URB1: variants seen among roughly 807,000 people sequenced by gnomAD.
URB1 encodes nucleolar pre-ribosomal-associated protein 1.
A neutral mutation model predicts 242.3 loss-of-function variants in URB1; 197 were observed. That is an observed-to-expected ratio of 0.81 (90% CI 0.72 to 0.91). The LOEUF is 0.91. Ranked by LOEUF, URB1 falls within the 40% of genes least tolerant of loss-of-function variation. URB1 has a pLI of 0.00. For missense variants in URB1, 2,721 were observed against 2,860.5 expected (o/e 0.95, Z 1.11); for synonymous variants, 1,153 against 1,201.8 (o/e 0.96, Z 0.84).
rs555439529 is a variant in URB1 at position 32,325,394 on chromosome 21, A to G, written c.4961-5T>C. The G allele has an allele frequency of 2.6e-6, 4 of 1,547,092 alleles. No homozygotes were observed. Among genetic ancestry groups the G allele is most frequent in the Non-Finnish European group, 2.6e-6 (3 of 1,143,120 alleles). ...TTCGACAATCCACCACAAACTCTGC[A>G]GGAAATGAAATACAGCATGAAACAC... On this transcript the variant is annotated splice_polypyrimidine_tract_variant and splice_region_variant and intron_variant, in intron 30 of 38. Transcript: ENST00000382751.
rs768691472 is a variant in URB1, at chr21:32,347,061, C to T, written c.3763G>A (p.Ala1255Thr). 1.9e-6 allele frequency: 3 copies of T among 1,550,428 alleles called. No homozygotes were observed. In the South Asian group the frequency reaches 3.6e-5, roughly 18 times the overall value. ...CCCTGGAGGCCGAGCCCTGGGCCAG[C>T]CTGCAGGCACCACTGCTCGAACCAC... ...LLWFEQWCLQ[A>T]GPGLGLQGDL... Residue 1255 changes from alanine (A) to threonine (T), a missense_variant, in exon 22 of 39, where the codon GCT becomes ACT. Ala to Thr is a moderately conservative substitution (Grantham distance 58). Coordinates refer to ENST00000382751, the MANE Select transcript of URB1 (RefSeq NM_014825.3).
At chr21:32,385,829 T>TAA in intron 1 of URB1, 145 bp from the exon 2 acceptor site, 2 of 1,185,408 alleles carry the variant, frequency 1.7e-6, no homozygotes, top group South Asian at 3.7e-5. Context: ...GCTATCAACT[T>TAA]AACTGTTTCT....
intron 2 of URB1, among the ~76,000 whole-genome samples, chr21:32,385,281 G>A (rs1044220694): frequency 2.0e-5 from 3 of 152,124 alleles, no homozygotes; most frequent in Admixed American, 6.6e-5. Flanking sequence ...AAACCATACC[G>A]AAACCAAGTA....
chr21:32,316,784 G>A lies in URB1; in HGVS notation c.6316C>T (p.Arg2106Trp), dbSNP rs763847056. Residue 2106 changes from arginine (R) to tryptophan (W), a missense_variant, in exon 38 of 39, where the codon CGG becomes TGG. Coordinates refer to ENST00000382751, the MANE Select transcript of URB1 (RefSeq NM_014825.3). ...AASLAVSWVL[R>W]SVAEHPLSRA... ...CTGAGCGGGTGCTCGGCCACCGACCGCAGCACCCAACTGACTGCCAGGGAA... is the reference window on the plus strand; with the variant it reads ...CTGAGCGGGTGCTCGGCCACCGACCACAGCACCCAACTGACTGCCAGGGAA... 4.5e-5 allele frequency: 69 copies of A among 1,549,110 alleles called. No individual in the cohort carries two copies. Among genetic ancestry groups the A allele is most frequent in the Non-Finnish European group, 5.6e-5 (64 of 1,145,538 alleles).
intron 15 of URB1, among the ~76,000 whole-genome samples, chr21:32,357,272 A>T (rs949816326): frequency 6.6e-6 from 1 of 151,988 alleles, no homozygotes; most frequent in African/African-American, 2.4e-5. Context: ...CAAGAAGCCA[A>T]AATTTAGTAT....
At chr21:32,357,896 G>A (rs1484816983) in intron 14 of URB1, among the ~76,000 whole-genome samples, 1 of 152,122 alleles carries the variant, frequency 6.6e-6, no homozygotes, top group African/African-American at 2.4e-5. Flanking sequence ...AGTCATAGTG[G>A]TGCATGCCTA....
intron 35 of URB1, among the ~76,000 whole-genome samples, chr21:32,319,951 C>T (rs1008296563): frequency 4.6e-5 from 7 of 152,208 alleles, no homozygotes; most frequent in East Asian, 1.9e-4. Flanking sequence ...AGAGCCCTCC[C>T]GCCAAGTGCT....
intron 28 of URB1, 100 bp downstream of exon 28, chr21:32,336,994 G>A (rs1601130053): frequency 8.1e-7 from 1 of 1,238,218 alleles, no homozygotes; most frequent in East Asian, 2.6e-5. Flanking sequence ...CTTTCCCTGA[G>A]AACCAAAATG....
Position 32,344,876 on chromosome 21 carries a change from C to A in URB1, c.4071-120G>T, listed in dbSNP as rs2033068301. ...ATGCTGAGTCCTGCTCCCCACACTACCCACTCACAGGAATCACAGGCTTCC... is the reference window on the plus strand; with the variant it reads ...ATGCTGAGTCCTGCTCCCCACACTAACCACTCACAGGAATCACAGGCTTCC... On this transcript the variant is annotated intron_variant, in intron 23 of 38. Transcript: ENST00000382751. 2.5e-5 allele frequency: 30 copies of A among 1,178,526 alleles called. No individual in the cohort carries two copies. The South Asian group carries it at 4.9e-4, about 19-fold the overall frequency. The allele number at this position is 1,178,526 out of a possible 1,614,324, so 73.0% of individuals were successfully genotyped here. A position where few individuals can be genotyped will look rare whatever the true frequency, so the allele number is the denominator to read the frequency against.
At position 32,357,228 on chromosome 21, in the gene URB1, GAGA is replaced by G. The variant is rs1164361862; in HGVS notation, c.1989+306_1989+308del. ...AAAGCCCTGGATAACGCCAGAGCCT[GAGA>G]AGGAGGAAAGAGGCACTGCCTAATA... On this transcript the variant is annotated intron_variant, in intron 15 of 38. Transcript: ENST00000382751. Among the ~76,000 whole-genome samples, 3 of 151,108 alleles carry G rather than the reference GAGA, an allele frequency of 2.0e-5. No homozygotes were observed. In the East Asian group the frequency reaches 5.8e-4, roughly 29 times the overall value.
At chr21:32,376,513 G>C (rs988484383) in intron 5 of URB1, among the ~76,000 whole-genome samples, 2 of 152,158 alleles carry the variant, frequency 1.3e-5, no homozygotes, top group Non-Finnish European at 2.9e-5. Context: ...CATCATCTGA[G>C]TTAACTATTA....
In URB1 at chr21:32,392,929, G is replaced by C. The variant is rs1480122300; in HGVS notation, c.-19C>G. On this transcript the variant is annotated 5_prime_UTR_variant, in exon 1 of 39. Transcript: ENST00000382751. ...CCCCCATGGCCGAGAGGGCGGAAGC[G>C]CGACGGAAACGACACACCTGAGGGG... is the stretch of plus-strand genomic sequence containing the variant. 1.3e-6 allele frequency: 2 copies of C among 1,498,938 alleles called. No homozygotes were observed. Among genetic ancestry groups the C allele is most frequent in the South Asian group, 1.3e-5 (1 of 79,828 alleles). 92.9% of individuals were successfully genotyped at this position (1,498,938 alleles called of 1,614,324 possible). A position where few individuals can be genotyped will look rare whatever the true frequency, so the allele number is the denominator to read the frequency against.
At chr21:32,368,687 G>T in intron 8 of URB1, 89 bp from the exon 9 acceptor site, 1 of 1,155,424 alleles carries the variant, frequency 8.7e-7, no homozygotes, top group Non-Finnish European at 1.2e-6. Context: ...CTGCAGAATT[G>T]CCCTCAGTGA....
Position 32,311,409 on chromosome 21 carries a change from C to T in URB1, c.*3509G>A. 3.9e-6 allele frequency: 1 copy of T among 255,930 alleles called. No individual in the cohort carries two copies. The highest frequency in any genetic ancestry group is 7.5e-6 in the Non-Finnish European group (1 of 132,806). 15.9% of individuals were successfully genotyped at this position (255,930 alleles called of 1,614,324 possible). ...TGGGAGGTCAACCTGCTCCCCTCCA[C>T]CCCCCACCCCCCCCATCCTAAATCA... On this transcript the variant is annotated 3_prime_UTR_variant, in exon 39 of 39. Coordinates refer to ENST00000382751, the MANE Select transcript of URB1 (RefSeq NM_014825.3).
intron 37 of URB1, 130 bp downstream of exon 37, chr21:32,317,546 T>C: frequency 2.2e-6 from 3 of 1,372,928 alleles, no homozygotes; most frequent in Non-Finnish European, 2.9e-6. Context: ...GGCTCCAAGA[T>C]GGATGTGTCC....
Position 32,352,811 on chromosome 21 carries a change from C to T in URB1, c.2512G>A (p.Asp838Asn), listed in dbSNP as rs2033173128. ...ACCAGGCATGGAGGCTCAAGCTTATCATATGCCTGGAGCAGGAGACACAGA... is the reference window on the plus strand; with the variant it reads ...ACCAGGCATGGAGGCTCAAGCTTATTATATGCCTGGAGCAGGAGACACAGA... ...LALCLLLQAY[D>N]KLEPPCLVPC... The change falls in exon 19 of 39, where the codon GAT (aspartate) becomes AAT (asparagine). Residue 838 changes from aspartate (D) to asparagine (N), a missense_variant. Coordinates refer to ENST00000382751, the MANE Select transcript of URB1 (RefSeq NM_014825.3). 1 of 1,551,726 alleles carries T rather than the reference C, an allele frequency of 6.4e-7. No individual in the cohort carries two copies.
At chr21:32,358,182 G>A (rs1031159478) in intron 14 of URB1, among the ~76,000 whole-genome samples, 2 of 152,138 alleles carry the variant, frequency 1.3e-5, no homozygotes, top group Non-Finnish European at 2.9e-5. Context: ...TGCTGGAGCC[G>A]TCCCAGGGGC....
intron 24 of URB1, among the ~76,000 whole-genome samples, chr21:32,342,667 T>TA (rs56815238): frequency 1 from 147,545 of 147,550 alleles, 73,770 homozygotes; most frequent in Middle Eastern, 1. Flanking sequence ...AGTGCCAACT[T>TA]GTGAACCAGG....
At chr21:32,338,372 TCTCAGGTTAGA>T (rs1405214374) in intron 26 of URB1, among the ~76,000 whole-genome samples, 2 of 152,194 alleles carry the variant, frequency 1.3e-5, no homozygotes, top group Non-Finnish European at 2.9e-5. Flanking sequence ...AATCAATTTC[TCTCAGGTTAGA>T]CACCCACACT....
Sources: allele counts gnomAD v4.1 joint callset (sites outside exome capture counted in the v4.1 genomes callset), GRCh38; gene constraint gnomAD v4.1.1; transcripts MANE v1.5; gene names NCBI Gene and HGNC (gene_info 2026-07-23, HGNC 2026-07-21).